ITPR1: variants seen among roughly 807,000 people sequenced by gnomAD.
ITPR1 encodes the protein inositol 1,4,5-trisphosphate receptor type 1, also known as inositol 1,4,5-trisphosphate-gated calcium channel ITPR1.
In ITPR1, 96 loss-of-function variants were observed where a neutral mutation model predicts 318.4. The observed-to-expected ratio is 0.30, with a 90% CI of 0.26 to 0.36. The LOEUF is 0.36. Among genes scored for constraint, ITPR1 ranks in the 10% least tolerant of loss-of-function variants. The pLI is 1.00. For synonymous variants in ITPR1, 1,312 were observed against 1,289.9 expected (o/e 1.02, Z -0.37); for missense variants, 2,440 against 3,460.2 (o/e 0.71, Z 7.40).
intron 35 of ITPR1, among the ~76,000 whole-genome samples, chr3:4,701,930 G>A (rs1029236369): frequency 4.6e-5 from 7 of 151,998 alleles, no homozygotes; most frequent in African/African-American, 1.7e-4. Flanking sequence ...TCATCTCAGA[G>A]ACCTCTTTCG....
intron 44 of ITPR1, among the ~76,000 whole-genome samples, chr3:4,759,002 C>G (rs9860324): frequency 0.19 from 29,281 of 152,230 alleles, 2,883 homozygotes; most frequent in Middle Eastern, 0.24. Context: ...AATAATACCC[C>G]TTTCCAGGGA....
chr3:4,833,010 C>A (rs575368402), intron 60 of ITPR1, among the ~76,000 whole-genome samples: 4 of 152,246 alleles, frequency 2.6e-5, no homozygotes, highest in Admixed American at 2.6e-4. Context: ...GCATTGAGAC[C>A]TGGCCGGTGA....
chr3:4,806,357 T>G, intron 55 of ITPR1, 90 bp downstream of exon 55: 1 of 1,255,428 alleles, frequency 8.0e-7, no homozygotes, highest in African/African-American at 1.5e-5. Context: ...TTCCTTTTAA[T>G]GGTGATTGGT....
At chr3:4,593,065 C>T (rs1268326515) in intron 4 of ITPR1, among the ~76,000 whole-genome samples, 1 of 152,170 alleles carries the variant, frequency 6.6e-6, no homozygotes, top group Non-Finnish European at 1.5e-5. Context: ...TGCTCGAAGT[C>T]AGGAGATTTC....
At chr3:4,820,019 G>A (rs945202754) in intron 60 of ITPR1, among the ~76,000 whole-genome samples, 4 of 152,128 alleles carry the variant, frequency 2.6e-5, no homozygotes, top group African/African-American at 4.8e-5. Flanking sequence ...AAACCGGGAG[G>A]GTGCTGGTGA....
At chr3:4,740,531 A>G (rs2043624913) in intron 44 of ITPR1, among the ~76,000 whole-genome samples, 1 of 152,168 alleles carries the variant, frequency 6.6e-6, no homozygotes, top group African/African-American at 2.4e-5. Context: ...TTGCTCCCTT[A>G]TTATGAAACC....
At chr3:4,684,968 C>CAT in intron 29 of ITPR1, 101 bp from the exon 30 acceptor site, 1 of 1,139,710 alleles carries the variant, frequency 8.8e-7, no homozygotes. Context: ...GTTTTTAATG[C>CAT]ATTATAATCC....
At chr3:4,494,187 C>T (rs953524320) in intron 1 of ITPR1, among the ~76,000 whole-genome samples, 1 of 152,360 alleles carries the variant, frequency 6.6e-6, no homozygotes, top group East Asian at 1.9e-4. Flanking sequence ...TCCAGCCTCC[C>T]GCACGTTCGA....
intron 46 of ITPR1, among the ~76,000 whole-genome samples, chr3:4,769,751 G>C (rs894974819): frequency 2.0e-5 from 3 of 152,206 alleles, no homozygotes; most frequent in African/African-American, 7.2e-5. Context: ...TTACACTAGA[G>C]CTCATGTTGT....
intron 4 of ITPR1, among the ~76,000 whole-genome samples, chr3:4,617,152 G>A (rs544812377): frequency 6.6e-6 from 1 of 152,086 alleles, no homozygotes; most frequent in African/African-American, 2.4e-5. Flanking sequence ...CCCAGTGTGA[G>A]CATTCATCAG....
intron 6 of ITPR1, among the ~76,000 whole-genome samples, chr3:4,639,778 A>G (rs930537449): frequency 4.9e-5 from 4 of 81,696 alleles, no homozygotes; most frequent in Non-Finnish European, 7.1e-5. Context: ...TTAATTTGTA[A>G]TGCTTGAAAA....
intron 12 of ITPR1, among the ~76,000 whole-genome samples, chr3:4,657,011 C>T (rs1384471138): frequency 1.3e-5 from 2 of 152,148 alleles, no homozygotes; most frequent in Non-Finnish European, 2.9e-5. Flanking sequence ...TTTAGTTTCT[C>T]AGGAAAGTTT....
chr3:4,538,002 A>G (rs542771202), intron 4 of ITPR1, among the ~76,000 whole-genome samples: 4 of 152,220 alleles, frequency 2.6e-5, no homozygotes, highest in African/African-American at 9.6e-5. Context: ...TTTCTACGAT[A>G]GGTTGGTTTT....
At chr3:4,620,403 T>A (rs908466520) in intron 4 of ITPR1, among the ~76,000 whole-genome samples, 1 of 152,224 alleles carries the variant, frequency 6.6e-6, no homozygotes, top group African/African-American at 2.4e-5. Context: ...CTGCTCTTCC[T>A]GTGTGTTTTC....
At chr3:4,765,387 G>C (rs899230913) in intron 44 of ITPR1, among the ~76,000 whole-genome samples, 3 of 152,230 alleles carry the variant, frequency 2.0e-5, no homozygotes, top group Non-Finnish European at 4.4e-5. Context: ...CAAAGTGTGT[G>C]AGTCAATGGC....
At chr3:4,536,541 C>G (rs1182147928) in intron 4 of ITPR1, among the ~76,000 whole-genome samples, 2 of 152,160 alleles carry the variant, frequency 1.3e-5, no homozygotes, top group African/African-American at 4.8e-5. Flanking sequence ...GCTCCCTGCC[C>G]TTAAGGAATT....
intron 32 of ITPR1, among the ~76,000 whole-genome samples, chr3:4,692,913 G>A (rs1246631057): frequency 6.6e-6 from 1 of 152,184 alleles, no homozygotes; most frequent in Non-Finnish European, 1.5e-5. Flanking sequence ...CTGAGGTTGA[G>A]AGTTCGAGAC....
chr3:4,783,285 C>CT (rs1427859324), intron 50 of ITPR1, among the ~76,000 whole-genome samples: 1 of 152,060 alleles, frequency 6.6e-6, no homozygotes, highest in Admixed American at 6.5e-5. Context: ...GCCGACGTGC[C>CT]TTGAGCTTTC....
At chr3:4,735,387 C>G in intron 44 of ITPR1, 33 bp downstream of exon 44, 1 of 1,563,476 alleles carries the variant, frequency 6.4e-7, no homozygotes. Context: ...GGTATGGCAT[C>G]CCTGCTGAGC....
Sources: allele counts gnomAD v4.1 joint callset (sites outside exome capture counted in the v4.1 genomes callset), GRCh38; gene constraint gnomAD v4.1.1; transcripts MANE v1.5; gene names NCBI Gene and HGNC (gene_info 2026-07-23, HGNC 2026-07-21).